The following NPY variants were observed in gnomAD, a reference collection of about 807,000 sequenced individuals.
NPY encodes the protein pro-neuropeptide Y.
In NPY, 11 loss-of-function variants were observed where a neutral mutation model predicts 13.2. The ratio of observed to expected loss-of-function variants is 0.83; its 90% CI spans 0.52 to 1.38. NPY has a LOEUF of 1.38. NPY is among the 40% of genes most tolerant of loss of function. NPY has a pLI of 0.00. For synonymous variants in NPY, 51 were observed against 55.6 expected (o/e 0.92, Z 0.37); for missense variants, 109 against 125.1 (o/e 0.87, Z 0.61).
Position 24,289,580 on chromosome 7 carries a change from G to A in NPY, c.269+1G>A, listed in dbSNP as rs1787525149. 1 of 1,608,926 alleles carries A rather than the reference G, an allele frequency of 6.2e-7. No homozygotes were observed. Among genetic ancestry groups the A allele is most frequent in the South Asian group, 1.1e-5 (1 of 90,410 alleles). On this transcript the variant is annotated splice_donor_variant, in intron 3 of 3. Transcript: ENST00000242152. LOFTEE classifies it high-confidence loss of function. ...GCACAGAAAATGTTCCCAGAACTCG[G>A]TATGACAAGGCTTGTGATGGGGACA... is the stretch of plus-strand genomic sequence containing the variant.
chr7:24,289,783 C>T (rs1403946477), intron 3 of NPY, among the ~76,000 whole-genome samples: 1 of 152,156 alleles, frequency 6.6e-6, no homozygotes, highest in Non-Finnish European at 1.5e-5. Context: ...TGTGGAATAA[C>T]ATTTTTTTAG....
At chr7:24,290,334 C>T (rs959158086) in intron 3 of NPY, among the ~76,000 whole-genome samples, 3 of 152,122 alleles carry the variant, frequency 2.0e-5, no homozygotes, top group African/African-American at 7.2e-5. Context: ...TCAGTCCTTG[C>T]TTCCTGTCTC....
Position 24,284,853 on chromosome 7 carries a change from G to A in NPY, c.1-388G>A, listed in dbSNP as rs1787293712. On this transcript the variant is annotated intron_variant, in intron 1 of 3. Transcript: ENST00000242152. ...GAAGCTAGGCAGACCAGAAGTAACA[G>A]AGAAGAAACTTTTCTTCCCAGACAA... 4.3e-5 allele frequency: 13 copies of A among 305,570 alleles called. 1 individual carries two copies. Among genetic ancestry groups the A allele is most frequent in the South Asian group, 3.7e-4 (11 of 30,104 alleles). 18.9% of individuals were successfully genotyped at this position (305,570 alleles called of 1,614,324 possible). A position where few individuals can be genotyped will look rare whatever the true frequency, so the allele number is the denominator to read the frequency against.
In NPY at chr7:24,289,707, G is replaced by A. The variant is rs372449861; in HGVS notation, c.269+128G>A. The A allele has an allele frequency of 4.3e-5, 24 of 562,108 alleles. No homozygotes were observed. The East Asian group carries it at 6.2e-4, about 14-fold the overall frequency. 34.8% of individuals were successfully genotyped at this position (562,108 alleles called of 1,614,324 possible). On this transcript the variant is annotated intron_variant, in intron 3 of 3. Coordinates refer to ENST00000242152, the MANE Select transcript of NPY (RefSeq NM_000905.4). The stretch of plus-strand genomic sequence containing the variant: ...GACTAGGGGAGATTTCGGCAGAAAT[G>A]AGGATGAAGAAGCAGGCAGAGGAGA...
chr7:24,285,260 T>G lies in NPY; in HGVS notation c.20T>G (p.Leu7Arg). The change falls in exon 2 of 4, where the codon CTG (leucine) becomes CGG (arginine). Residue 7 changes from leucine to arginine, a missense_variant. Transcript: ENST00000242152. The surrounding 1 kb of genome is among the most constrained non-coding windows in gnomAD (Gnocchi z 4.9). MLGNKR[L>R]GLSGLTLALS... is the part of the protein sequence containing the mutation. ...CTGCAGATGCTAGGTAACAAGCGAC[T>G]GGGGCTGTCCGGACTGACCCTCGCC... is the stretch of plus-strand genomic sequence containing the variant. 1 of 1,614,036 alleles carries G rather than the reference T, an allele frequency of 6.2e-7. No individual in the cohort carries two copies. Among genetic ancestry groups the G allele is most frequent in the Non-Finnish European group, 8.5e-7 (1 of 1,179,966 alleles).
chr7:24,285,391 G>A lies in NPY; in HGVS notation c.151G>A (p.Ala51Thr). The change falls in exon 2 of 4, where the codon GCG (alanine) becomes ACG (threonine). Residue 51 changes from alanine to threonine, a missense_variant. Physicochemically the swap from Ala to Thr is moderately conservative, Grantham distance 58 (BLOSUM62 0). Transcript: ENST00000242152. This position sits in a 1 kb window ranked among gnomAD's most constrained non-coding sequence, Gnocchi z 4.9. ...PAEDMARYYS[A>T]LRHYINLITR... ...GGAGGACATGGCCAGATACTACTCG[G>A]CGCTGCGACACTACATCAACCTCAT... 1 of 1,613,906 alleles carries A rather than the reference G, an allele frequency of 6.2e-7. No individual in the cohort carries two copies. The highest frequency in any genetic ancestry group is 2.2e-5 in the East Asian group (1 of 44,874).
Position 24,285,098 on chromosome 7 carries a change from TTC to T in NPY, c.1-137_1-136del. 1 of 864,070 alleles carries T rather than the reference TTC, an allele frequency of 1.2e-6. No individual in the cohort carries two copies. The highest frequency in any genetic ancestry group is 1.9e-6 in the Non-Finnish European group (1 of 539,130). 53.5% of individuals were successfully genotyped at this position (864,070 alleles called of 1,614,324 possible). A position where few individuals can be genotyped will look rare whatever the true frequency, so the allele number is the denominator to read the frequency against. ...CAAGGTGGTGCTAGCCACTCCTGGG[TTC>T]TCTCTGCGGGACTGGGACGAGAGCG... is the stretch of plus-strand genomic sequence containing the variant. On this transcript the variant is annotated intron_variant, in intron 1 of 3. Transcript: ENST00000242152. This position sits in a 1 kb window ranked among gnomAD's most constrained non-coding sequence, Gnocchi z 4.9.
At chr7:24,291,248 T>G (rs1787589086) in intron 3 of NPY, among the ~76,000 whole-genome samples, 1 of 150,844 alleles carries the variant, frequency 6.6e-6, no homozygotes, top group Non-Finnish European at 1.5e-5. Context: ...CTTATTATAG[T>G]CTAATAAGTA....
chr7:24,290,560 C>T (rs1026075530), intron 3 of NPY, among the ~76,000 whole-genome samples: 2 of 151,906 alleles, frequency 1.3e-5, no homozygotes, highest in Non-Finnish European at 2.9e-5. Context: ...TCTAACCTCC[C>T]TCAGTTCTCT....
intron 2 of NPY, among the ~76,000 whole-genome samples, chr7:24,286,912 A>C (rs546198502): frequency 6.6e-6 from 1 of 152,330 alleles, no homozygotes; most frequent in Non-Finnish European, 1.5e-5. Flanking sequence ...AGTAGAACTC[A>C]TTTTTCCGAA....
Position 24,285,154 on chromosome 7 carries a change from G to A in NPY, c.1-87G>A. 2.2e-6 allele frequency: 3 copies of A among 1,390,278 alleles called. No homozygotes were observed. The highest frequency in any genetic ancestry group is 3.0e-6 in the Non-Finnish European group (3 of 987,742). The allele number at this position is 1,390,278 out of a possible 1,614,324, so 86.1% of individuals were successfully genotyped here. On this transcript the variant is annotated intron_variant, in intron 1 of 3. Coordinates refer to ENST00000242152, the MANE Select transcript of NPY (RefSeq NM_000905.4). This position sits in a 1 kb window ranked among gnomAD's most constrained non-coding sequence, Gnocchi z 4.9. ...TGGGGGTCGCGTGTGGTAGCAGGAG[G>A]AGGAGCGCGGGGGGCAGAGGAGGGA...
chr7:24,285,038 G>A lies in NPY; in HGVS notation c.1-203G>A. On this transcript the variant is annotated intron_variant, in intron 1 of 3. Transcript: ENST00000242152. The surrounding 1 kb of genome is among the most constrained non-coding windows in gnomAD (Gnocchi z 4.9). ...GCGCGAAGTTTTCAGGTGGAGCAGAGGGGCAGGTCCCGACCGGACGGCGCC... is the reference window on the plus strand; with the variant it reads ...GCGCGAAGTTTTCAGGTGGAGCAGAAGGGCAGGTCCCGACCGGACGGCGCC... The A allele has an allele frequency of 1.7e-6, 1 of 601,388 alleles. No individual in the cohort carries two copies. The highest frequency in any genetic ancestry group is 2.0e-5 in the South Asian group (1 of 50,788). The allele number at this position is 601,388 out of a possible 1,614,324, so 37.3% of individuals were successfully genotyped here.
intron 2 of NPY, among the ~76,000 whole-genome samples, chr7:24,286,851 T>C (rs975586527): frequency 1.3e-5 from 2 of 152,228 alleles, no homozygotes; most frequent in African/African-American, 2.4e-5. Flanking sequence ...AGATATTAAC[T>C]GTTTTTTCTA....
At chr7:24,287,913 G>T (rs1037312737) in intron 2 of NPY, among the ~76,000 whole-genome samples, 1 of 152,114 alleles carries the variant, frequency 6.6e-6, no homozygotes, top group African/African-American at 2.4e-5. Flanking sequence ...TGGGGCCTGG[G>T]CTTTAGAGTG....
intron 1 of NPY, chr7:24,284,959 C>T (rs943443458): frequency 4.1e-5 from 22 of 530,478 alleles, no homozygotes; most frequent in Non-Finnish European, 7.1e-5. Context: ...GGCGGGGCCC[C>T]CACCTTGCAC....
intron 1 of NPY, 48 bp downstream of exon 1, chr7:24,284,323 C>T (rs1185420012): frequency 6.5e-6 from 1 of 152,790 alleles, no homozygotes; most frequent in African/African-American, 2.4e-5. Context: ...AACGGGGCGC[C>T]CGCGAACTTG....
Position 24,285,337 on chromosome 7 carries a change from C to G in NPY, c.97C>G (p.Pro33Ala), listed in dbSNP as rs1253206041. 1 of 1,614,050 alleles carries G rather than the reference C, an allele frequency of 6.2e-7. No homozygotes were observed. Among genetic ancestry groups the G allele is most frequent in the Non-Finnish European group, 8.5e-7 (1 of 1,180,032 alleles). Reference protein sequence around the residue: ...GALAEAYPSKPDNPGEDAPAE... With the variant: ...GALAEAYPSKADNPGEDAPAE... ...GCTGGCCGAGGCGTACCCCTCCAAGCCGGACAACCCGGGCGAGGACGCACC... is the reference window on the plus strand; with the variant it reads ...GCTGGCCGAGGCGTACCCCTCCAAGGCGGACAACCCGGGCGAGGACGCACC... Residue 33 changes from proline to alanine, a missense_variant, in exon 2 of 4, where the codon CCG becomes GCG. Transcript: ENST00000242152. The surrounding 1 kb of genome is among the most constrained non-coding windows in gnomAD (Gnocchi z 4.9).
chr7:24,286,550 A>T (rs889659143), intron 2 of NPY, among the ~76,000 whole-genome samples: 4 of 152,154 alleles, frequency 2.6e-5, no homozygotes, highest in African/African-American at 9.6e-5. Flanking sequence ...AAAGGATCCA[A>T]AAGGGGGGAA....
chr7:24,290,467 C>T (rs1483381672), intron 3 of NPY, among the ~76,000 whole-genome samples: 1 of 152,134 alleles, frequency 6.6e-6, no homozygotes, highest in African/African-American at 2.4e-5. Context: ...AACACTTGCT[C>T]AGTGAGTGTG....
Sources: gnomAD v4.1 joint callset for allele counts (sites outside exome capture counted in the v4.1 genomes callset) on GRCh38, gnomAD v4.1.1 for gene constraint, Gnocchi (gnomAD v3.1) non-coding constraint, MANE v1.5 for transcripts, NCBI Gene and HGNC (gene_info 2026-07-23, HGNC 2026-07-21) for gene names.